LRMDA: variants seen among roughly 807,000 people sequenced by gnomAD.
The protein encoded by LRMDA is leucine-rich melanocyte differentiation-associated protein.
A neutral mutation model predicts 29.8 loss-of-function variants in LRMDA; 18 were observed. The observed-to-expected ratio is 0.60, with a 90% CI of 0.42 to 0.90. The LOEUF is 0.90. LRMDA is among the 40% of genes least tolerant of loss of function. LRMDA has a pLI of 0.00. For synonymous variants in LRMDA, 125 were observed against 109.4 expected (o/e 1.14, Z -0.89); for missense variants, 273 against 273.9 (o/e 1.00, Z 0.02).
chr10:76,328,428 T>G (rs1226275020), intron 6 of LRMDA, among the ~76,000 whole-genome samples: 2 of 152,274 alleles, frequency 1.3e-5, no homozygotes, highest in South Asian at 2.1e-4. Context: ...GTGCAAATAT[T>G]TTTCCCATTT....
intron 2 of LRMDA, among the ~76,000 whole-genome samples, chr10:75,645,121 T>A (rs1017875903): frequency 6.6e-6 from 1 of 151,992 alleles, no homozygotes; most frequent in Non-Finnish European, 1.5e-5. Context: ...TAGCTGGGAC[T>A]ACAGATGTGC....
intron 2 of LRMDA, among the ~76,000 whole-genome samples, chr10:75,831,835 TG>T (rs1844351820): frequency 6.6e-6 from 1 of 152,210 alleles, no homozygotes; most frequent in Non-Finnish European, 1.5e-5. Flanking sequence ...TGCCAAAGCT[TG>T]GGGCTTCCAC....
intron 2 of LRMDA, among the ~76,000 whole-genome samples, chr10:75,564,939 C>T (rs922241464): frequency 1.1e-4 from 16 of 152,170 alleles, no homozygotes; most frequent in South Asian, 2.1e-4. Flanking sequence ...ATTATTTTTG[C>T]GTATAAAATT....
intron 2 of LRMDA, among the ~76,000 whole-genome samples, chr10:75,486,625 T>G (rs1303409777): frequency 2.0e-5 from 3 of 151,886 alleles, no homozygotes; most frequent in Admixed American, 1.3e-4. Context: ...CTAGAGAATT[T>G]GTAAAGGGGC....
chr10:76,375,480 G>T (rs1034902696), intron 6 of LRMDA, among the ~76,000 whole-genome samples: 1 of 152,134 alleles, frequency 6.6e-6, no homozygotes, highest in African/African-American at 2.4e-5. Context: ...CCAAAGAAAA[G>T]TTTTGCTTAT....
chr10:76,462,326 A>C (rs1414489832), intron 6 of LRMDA, among the ~76,000 whole-genome samples: 1 of 152,160 alleles, frequency 6.6e-6, no homozygotes, highest in Admixed American at 6.5e-5. Context: ...TTTTAGTTCC[A>C]TCTTCACCTC....
intron 2 of LRMDA, among the ~76,000 whole-genome samples, chr10:75,948,712 A>T (rs1846521276): frequency 6.6e-6 from 1 of 151,912 alleles, no homozygotes; most frequent in Admixed American, 6.6e-5. Flanking sequence ...AGCTGAGAGA[A>T]CCTTTTCTCC....
intron 5 of LRMDA, among the ~76,000 whole-genome samples, chr10:76,060,832 A>G (rs1848691240): frequency 6.6e-6 from 1 of 152,172 alleles, no homozygotes; most frequent in Admixed American, 6.5e-5. Flanking sequence ...AGGGTTCCCA[A>G]TTAGTTTCTA....
intron 2 of LRMDA, among the ~76,000 whole-genome samples, chr10:75,731,896 T>G (rs1171200184): frequency 6.6e-6 from 1 of 152,154 alleles, no homozygotes; most frequent in Non-Finnish European, 1.5e-5. Context: ...ATTGAAAAAA[T>G]CCGAAGTATA....
At chr10:75,903,817 T>G (rs1426900101) in intron 2 of LRMDA, among the ~76,000 whole-genome samples, 1 of 152,234 alleles carries the variant, frequency 6.6e-6, no homozygotes, top group Non-Finnish European at 1.5e-5. Context: ...TAGTTACTTG[T>G]GCCTACTAAA....
chr10:75,605,564 G>C (rs1024051565), intron 2 of LRMDA, among the ~76,000 whole-genome samples: 1 of 152,248 alleles, frequency 6.6e-6, no homozygotes, highest in Non-Finnish European at 1.5e-5. Context: ...TGATTGGAGA[G>C]TGACAGCAGG....
chr10:76,542,465 C>A (rs1289957458), intron 6 of LRMDA, among the ~76,000 whole-genome samples: 1 of 152,106 alleles, frequency 6.6e-6, no homozygotes, highest in Non-Finnish European at 1.5e-5. Context: ...TGAGATATAA[C>A]CCCTGGAAAA....
At chr10:76,171,753 C>A (rs1850843997) in intron 5 of LRMDA, among the ~76,000 whole-genome samples, 1 of 152,144 alleles carries the variant, frequency 6.6e-6, no homozygotes, top group African/African-American at 2.4e-5. Context: ...GATTTCTGCT[C>A]CAAGCCATGA....
At chr10:75,690,230 G>C (rs1349492458) in intron 2 of LRMDA, among the ~76,000 whole-genome samples, 1 of 152,174 alleles carries the variant, frequency 6.6e-6, no homozygotes, top group Non-Finnish European at 1.5e-5. Flanking sequence ...TCCTTATATG[G>C]ATGAGAGAGA....
At chr10:76,491,730 A>C (rs1842835563) in intron 6 of LRMDA, among the ~76,000 whole-genome samples, 1 of 151,924 alleles carries the variant, frequency 6.6e-6, no homozygotes. Flanking sequence ...TAGTTTAGGA[A>C]AGTCCTCTGT....
At chr10:75,487,586 C>A (rs1844930471) in intron 2 of LRMDA, among the ~76,000 whole-genome samples, 1 of 152,162 alleles carries the variant, frequency 6.6e-6, no homozygotes, top group Non-Finnish European at 1.5e-5. Context: ...ACAGTTTCTC[C>A]TCCCACCCCT....
chr10:75,582,059 A>G (rs920466865), intron 2 of LRMDA, among the ~76,000 whole-genome samples: 1 of 152,122 alleles, frequency 6.6e-6, no homozygotes, highest in African/African-American at 2.4e-5. Flanking sequence ...TGTAGGGTTC[A>G]GCTCCCACAG....
At chr10:75,813,109 G>A (rs550478239) in intron 2 of LRMDA, among the ~76,000 whole-genome samples, 1 of 152,106 alleles carries the variant, frequency 6.6e-6, no homozygotes, top group African/African-American at 2.4e-5. Context: ...GATCACTCAC[G>A]GGCAATGTGG....
chr10:76,219,081 A>C (rs1851779725), intron 5 of LRMDA, among the ~76,000 whole-genome samples: 1 of 152,180 alleles, frequency 6.6e-6, no homozygotes, highest in South Asian at 2.1e-4. Flanking sequence ...TTTTGTCACC[A>C]CCAGGCCTGC....
Sources: gnomAD v4.1 joint callset for allele counts (sites outside exome capture counted in the v4.1 genomes callset) on GRCh38, gnomAD v4.1.1 for gene constraint, MANE v1.5 for transcripts, NCBI Gene and HGNC (gene_info 2026-07-23, HGNC 2026-07-21) for gene names.